Variants in RABGAP1L observed in about 807,000 individuals in gnomAD.
RABGAP1L encodes rab GTPase-activating protein 1-like.
A neutral mutation model predicts 137.7 loss-of-function variants in RABGAP1L; 63 were observed. That is an observed-to-expected ratio of 0.46 (90% CI 0.37 to 0.56). The LOEUF (loss-of-function observed/expected upper bound fraction) is 0.56, where lower values mean the gene tolerates loss of function less well. Ranked by LOEUF, RABGAP1L falls within the 20% of genes least tolerant of loss-of-function variation. The probability of loss-of-function intolerance (pLI) is 0.00; values close to 1 mark genes in which losing one functional copy is unlikely to be tolerated. For missense variants in RABGAP1L, 1,095 were observed against 1,244.0 expected (o/e 0.88, Z 1.80); for synonymous variants, 431 against 433.7 (o/e 0.99, Z 0.08).
At chr1:174,941,511 G>A (rs114243462) in intron 19 of RABGAP1L, among the ~76,000 whole-genome samples, 2,615 of 152,274 alleles carry the variant, frequency 0.017, 34 homozygotes, top group Middle Eastern at 0.068. Flanking sequence ...GGCAAGCCAG[G>A]TAGCCTAATG....
chr1:174,833,006 C>T (rs1692277903), intron 19 of RABGAP1L, among the ~76,000 whole-genome samples: 1 of 152,096 alleles, frequency 6.6e-6, no homozygotes, highest in Non-Finnish European at 1.5e-5. Context: ...GTGTAAGTCC[C>T]TAATGAAGGC....
chr1:174,989,562 C>A (rs561762561), intron 25 of RABGAP1L, among the ~76,000 whole-genome samples: 1 of 152,252 alleles, frequency 6.6e-6, no homozygotes, highest in African/African-American at 2.4e-5. Flanking sequence ...CCTGTTATAT[C>A]GGATTGCAAC....
Position 174,438,958 on chromosome 1 carries a change from C to T in RABGAP1L, c.1710+44813C>T, listed in dbSNP as rs187754306. On this transcript the variant is annotated intron_variant, in intron 13 of 25. Transcript: ENST00000681986. Reference sequence around the variant, plus strand: ...GATTTTTATATATTGACCTGTGTTCCGACAAAATTTATTCATTAATTCTAG... The same window carrying T: ...GATTTTTATATATTGACCTGTGTTCTGACAAAATTTATTCATTAATTCTAG... 3.0e-4 allele frequency among the ~76,000 whole-genome samples: 45 copies of T among 151,088 alleles called. No homozygotes were observed. The East Asian group carries it at 5.4e-3, about 18-fold the overall frequency.
At chr1:174,932,804 T>C (rs1244321757) in intron 19 of RABGAP1L, among the ~76,000 whole-genome samples, 8 of 152,190 alleles carry the variant, frequency 5.3e-5, no homozygotes, top group Non-Finnish European at 1.2e-4. Flanking sequence ...CACTGGGAGC[T>C]CCTTCAGGAT....
At chr1:174,325,606 C>T (rs774188958) in intron 11 of RABGAP1L, among the ~76,000 whole-genome samples, 5 of 152,164 alleles carry the variant, frequency 3.3e-5, no homozygotes, top group Non-Finnish European at 5.9e-5. Context: ...CTCCTGGACT[C>T]ATGGTTTCTA....
At chr1:174,620,434 C>G (rs1219758818) in intron 13 of RABGAP1L, among the ~76,000 whole-genome samples, 1 of 152,204 alleles carries the variant, frequency 6.6e-6, no homozygotes, top group East Asian at 1.9e-4. Context: ...AACAAACTGT[C>G]TCTCAGACCA....
chr1:174,734,952 C>G (rs916793380), intron 17 of RABGAP1L, among the ~76,000 whole-genome samples: 1 of 136,794 alleles, frequency 7.3e-6, no homozygotes, highest in African/African-American at 2.8e-5. Context: ...TAGGATCTCT[C>G]TCTTTTTTTT....
chr1:174,747,049 A>T (rs1044882021), intron 17 of RABGAP1L, among the ~76,000 whole-genome samples: 1 of 152,168 alleles, frequency 6.6e-6, no homozygotes, highest in Non-Finnish European at 1.5e-5. Flanking sequence ...ATTGCTGGGG[A>T]TTACATATTC....
At chr1:174,549,998 A>G (rs1666303670) in intron 13 of RABGAP1L, among the ~76,000 whole-genome samples, 1 of 152,164 alleles carries the variant, frequency 6.6e-6, no homozygotes, top group African/African-American at 2.4e-5. Flanking sequence ...TACTGTAAAT[A>G]GCTACTACAC....
At chr1:174,353,397 C>T (rs763138981) in intron 11 of RABGAP1L, among the ~76,000 whole-genome samples, 2 of 152,134 alleles carry the variant, frequency 1.3e-5, no homozygotes. Flanking sequence ...CCCTTGGCTG[C>T]CCTACCTAGT....
intron 11 of RABGAP1L, among the ~76,000 whole-genome samples, chr1:174,359,119 CA>C (rs1305285952): frequency 4.6e-5 from 7 of 151,662 alleles, no homozygotes; most frequent in Non-Finnish European, 7.4e-5. Flanking sequence ...GTTGCTTTTT[CA>C]AAACCTTCAA....
At chr1:174,210,681 A>T (rs1269464097) in intron 1 of RABGAP1L, among the ~76,000 whole-genome samples, 1 of 152,214 alleles carries the variant, frequency 6.6e-6, no homozygotes, top group East Asian at 1.9e-4. Flanking sequence ...AGTTTATTCA[A>T]AGGGGTAATA....
chr1:174,314,635 T>G (rs959453685), intron 11 of RABGAP1L, among the ~76,000 whole-genome samples: 1 of 152,160 alleles, frequency 6.6e-6, no homozygotes, highest in African/African-American at 2.4e-5. Flanking sequence ...TAGACAGTTA[T>G]AGCTATAAAC....
At chr1:174,836,619 G>C (rs1021309210) in intron 19 of RABGAP1L, among the ~76,000 whole-genome samples, 4 of 152,214 alleles carry the variant, frequency 2.6e-5, no homozygotes, top group Non-Finnish European at 2.9e-5. Flanking sequence ...TGCAAAGTGT[G>C]ACATATCTCT....
chr1:174,582,338 T>A (rs1668806032), intron 13 of RABGAP1L, among the ~76,000 whole-genome samples: 2 of 151,544 alleles, frequency 1.3e-5, no homozygotes, highest in Non-Finnish European at 2.9e-5. Context: ...TGAAAAAAAA[T>A]CATTAGTGAA....
chr1:174,718,099 A>G (rs541737922), intron 17 of RABGAP1L, among the ~76,000 whole-genome samples: 3 of 152,120 alleles, frequency 2.0e-5, no homozygotes, highest in African/African-American at 4.8e-5. Context: ...CTCCTTACTT[A>G]TTCCTCCAGA....
intron 13 of RABGAP1L, among the ~76,000 whole-genome samples, chr1:174,473,737 A>C (rs1352438555): frequency 6.6e-6 from 1 of 152,194 alleles, no homozygotes; most frequent in Non-Finnish European, 1.5e-5. Context: ...CATATGTAAA[A>C]CATGTAAAAG....
At chr1:174,891,315 G>A (rs2149119876) in intron 19 of RABGAP1L, among the ~76,000 whole-genome samples, 2 of 152,262 alleles carry the variant, frequency 1.3e-5, no homozygotes, top group South Asian at 4.1e-4. Flanking sequence ...AGTGGGAGTT[G>A]ATCATGATAG....
At chr1:174,526,294 T>A (rs1379721829) in intron 13 of RABGAP1L, among the ~76,000 whole-genome samples, 1 of 152,070 alleles carries the variant, frequency 6.6e-6, no homozygotes, top group Admixed American at 6.6e-5. Context: ...TATAGTTTTT[T>A]GTTGTTGTTG....
Sources: allele counts gnomAD v4.1 joint callset (sites outside exome capture counted in the v4.1 genomes callset), GRCh38; gene constraint gnomAD v4.1.1; transcripts MANE v1.5; gene names NCBI Gene and HGNC (gene_info 2026-07-23, HGNC 2026-07-21).